The following ASAH2 variants were observed in gnomAD, a reference collection of about 807,000 sequenced individuals.
ASAH2 encodes N-acylsphingosine amidohydrolase 2.
In ASAH2, 58 loss-of-function variants were observed where a neutral mutation model predicts 82.9. The observed-to-expected ratio is 0.70, with a 90% confidence interval of 0.57 to 0.87. The LOEUF (loss-of-function observed/expected upper bound fraction) is 0.87, where lower values mean the gene tolerates loss of function less well. ASAH2 is among the 40% of genes least tolerant of loss of function. ASAH2 has a pLI of 0.00. For missense variants in ASAH2, 779 were observed against 834.0 expected (o/e 0.93, Z 0.81); for synonymous variants, 276 against 289.7 (o/e 0.95, Z 0.48).
At chr10:50,224,573 C>T (rs1379876468) in intron 7 of ASAH2, among the ~76,000 whole-genome samples, 2 of 152,076 alleles carry the variant, frequency 1.3e-5, no homozygotes, top group African/African-American at 4.8e-5. Context: ...CTTCTATTTC[C>T]CAGTCTCATT....
chr10:50,236,558 G>A (rs1305455584), intron 4 of ASAH2, among the ~76,000 whole-genome samples: 1 of 151,954 alleles, frequency 6.6e-6, no homozygotes, highest in East Asian at 1.9e-4. Context: ...TCTTTCAAAT[G>A]GCCCCTCACT....
intron 16 of ASAH2, 33 bp from the exon 17 acceptor site, chr10:50,199,179 T>G: frequency 6.2e-7 from 1 of 1,609,684 alleles, no homozygotes; most frequent in Non-Finnish European, 8.5e-7. Context: ...TGTATATGGT[T>G]CTGCTTATTT....
At chr10:50,224,650 C>A (rs1845834953) in intron 7 of ASAH2, among the ~76,000 whole-genome samples, 1 of 152,176 alleles carries the variant, frequency 6.6e-6, no homozygotes, top group Non-Finnish European at 1.5e-5. Context: ...CCAATCTTCA[C>A]TAGACTTTCC....
Position 50,184,949 on chromosome 10 carries a change from G to A in ASAH2, c.*2366C>T, listed in dbSNP as rs1281792932. 6.6e-6 allele frequency: 1 copy of A among 151,474 alleles called. No individual in the cohort carries two copies. The highest frequency in any genetic ancestry group is 2.4e-5 in the African/African-American group (1 of 41,316). 9.4% of individuals were successfully genotyped at this position (151,474 alleles called of 1,614,324 possible). A position where few individuals can be genotyped will look rare whatever the true frequency, so the allele number is the denominator to read the frequency against. ...GTACTCATCAAAAAATCTAGACCTG[G>A]AAAAGAGATTATTCAGTGCTTTTCA... On this transcript the variant is annotated 3_prime_UTR_variant, in exon 21 of 21. Coordinates refer to ENST00000682911, the MANE Select transcript of ASAH2 (RefSeq NM_019893.4).
intron 1 of ASAH2, among the ~76,000 whole-genome samples, chr10:50,249,119 T>A (rs1846550272): frequency 6.6e-6 from 1 of 152,174 alleles, no homozygotes; most frequent in Admixed American, 6.5e-5. Context: ...TTAGTAGAAT[T>A]ATCTTGTTCA....
chr10:50,217,940 C>T (rs1845648521), intron 8 of ASAH2, among the ~76,000 whole-genome samples: 1 of 152,086 alleles, frequency 6.6e-6, no homozygotes. Context: ...GCCTGACCAA[C>T]ATGGCGAAAC....
chr10:50,202,199 A>G (rs1339760559), intron 16 of ASAH2, among the ~76,000 whole-genome samples: 2 of 152,052 alleles, frequency 1.3e-5, no homozygotes, highest in African/African-American at 2.4e-5. Flanking sequence ...ATGCCTCTGT[A>G]TGCACTGCTG....
intron 4 of ASAH2, among the ~76,000 whole-genome samples, chr10:50,236,409 T>C (rs961134391): frequency 2.0e-5 from 3 of 152,174 alleles, no homozygotes; most frequent in Middle Eastern, 3.4e-3. Flanking sequence ...CTCACTATCA[T>C]GAGAACAGCA....
intron 17 of ASAH2, among the ~76,000 whole-genome samples, chr10:50,197,382 T>C (rs1845014980): frequency 6.6e-6 from 1 of 151,228 alleles, no homozygotes; most frequent in Non-Finnish European, 1.5e-5. Context: ...ATAAATATAT[T>C]TTTAATTTAA....
At chr10:50,224,305 T>A (rs940637503) in intron 7 of ASAH2, among the ~76,000 whole-genome samples, 4,397 of 152,236 alleles carry the variant, frequency 0.029, 116 homozygotes, top group Middle Eastern at 0.12. Context: ...ATACTGATAC[T>A]ACTGCTGCTG....
intron 7 of ASAH2, among the ~76,000 whole-genome samples, chr10:50,224,034 A>G (rs1197858621): frequency 2.0e-5 from 3 of 152,168 alleles, no homozygotes; most frequent in Non-Finnish European, 4.4e-5. Flanking sequence ...TAAGCCACCT[A>G]GTCTTTGATA....
At chr10:50,194,644 A>G (rs1184805349) in intron 18 of ASAH2, among the ~76,000 whole-genome samples, 3 of 151,254 alleles carry the variant, frequency 2.0e-5, no homozygotes, top group South Asian at 4.2e-4. Flanking sequence ...GTACCACACA[A>G]CCTGACTTCA....
At position 50,198,879 on chromosome 10, in the gene ASAH2, C is replaced by A. The variant is rs1266445817; in HGVS notation, c.1857+172G>T. 2.6e-5 allele frequency among the ~76,000 whole-genome samples: 4 copies of A among 152,070 alleles called. No individual in the cohort carries two copies. In the South Asian group the frequency reaches 8.3e-4, roughly 32 times the overall value. On this transcript the variant is annotated intron_variant, in intron 17 of 20. Coordinates refer to ENST00000682911, the MANE Select transcript of ASAH2 (RefSeq NM_019893.4). ...TTTATTTATTTTCTTAGAGATACCA[C>A]AAAACTATAAATTTTGTAAAATATA...
intron 16 of ASAH2, among the ~76,000 whole-genome samples, chr10:50,201,214 A>C (rs916225827): frequency 2.3e-4 from 35 of 152,112 alleles, no homozygotes; most frequent in African/African-American, 7.9e-4. Context: ...TCTACCACTC[A>C]ATAAAACCCT....
intron 18 of ASAH2, among the ~76,000 whole-genome samples, chr10:50,194,336 A>G (rs1844918596): frequency 6.6e-6 from 1 of 151,728 alleles, no homozygotes; most frequent in Non-Finnish European, 1.5e-5. Context: ...TTTATTTAAC[A>G]TCTGAAAACC....
At chr10:50,221,473 T>C (rs1845741559) in intron 7 of ASAH2, among the ~76,000 whole-genome samples, 1 of 152,192 alleles carries the variant, frequency 6.6e-6, no homozygotes, top group Admixed American at 6.5e-5. Context: ...GGACTTTATG[T>C]ACAAGATCTC....
chr10:50,249,038 T>C (rs1049441321), intron 1 of ASAH2, among the ~76,000 whole-genome samples: 1 of 152,220 alleles, frequency 6.6e-6, no homozygotes, highest in African/African-American at 2.4e-5. Context: ...CAAGGATGAC[T>C]GATGCACGCA....
rs1162819011 is a variant in ASAH2, at chr10:50,223,860, C to G, written c.894-5230G>C. Among the ~76,000 whole-genome samples, 9 of 152,272 alleles carry G rather than the reference C, an allele frequency of 5.9e-5. No individual in the cohort carries two copies. The South Asian group carries it at 1.7e-3, about 28-fold the overall frequency. On this transcript the variant is annotated intron_variant, in intron 7 of 20. Transcript: ENST00000682911. ...GGGGGCACAGATTGGAGGGATGTGT[C>G]TACAAGCCAATGAAGCCAAGGATTG...
intron 4 of ASAH2, chr10:50,240,557 A>G: frequency 1.4e-6 from 1 of 702,304 alleles, no homozygotes; most frequent in East Asian, 2.7e-5. Flanking sequence ...TATCACCCAC[A>G]GAATTAAAAA....
Sources: allele counts gnomAD v4.1 joint callset (sites outside exome capture counted in the v4.1 genomes callset), GRCh38; gene constraint gnomAD v4.1.1; transcripts MANE v1.5; gene names NCBI Gene and HGNC (gene_info 2026-07-23, HGNC 2026-07-21).